The following CELSR1 variants were observed in gnomAD, a reference collection of about 807,000 sequenced individuals.
CELSR1 encodes the protein adhesion G protein-coupled receptor C1.
Under a neutral mutation model 249.1 loss-of-function variants are expected in CELSR1, and 110 were observed. That is an observed-to-expected ratio of 0.44 (90% CI 0.38 to 0.52). CELSR1 has a LOEUF of 0.52. Ranked by LOEUF, CELSR1 falls within the 20% of genes least tolerant of loss-of-function variation. The probability of loss-of-function intolerance (pLI) is 0.00; values close to 1 mark genes in which losing one functional copy is unlikely to be tolerated. For synonymous variants in CELSR1, 2,113 were observed against 1,900.0 expected, an observed-to-expected ratio of 1.11 and a Z score of -2.92; for missense variants, 4,109 against 4,296.4, an observed-to-expected ratio of 0.96 and a Z score of 1.22.
rs1026747957 is a variant in CELSR1, at chr22:46,398,471, G to A, written c.5526+53C>T. ...AACCACCTATGGTGCTGCCAGCCTCGGAGCTGCCTGTGAGGGGCAGGCCTC... is the reference window on the plus strand; with the variant it reads ...AACCACCTATGGTGCTGCCAGCCTCAGAGCTGCCTGTGAGGGGCAGGCCTC... On this transcript the variant is annotated intron_variant, in intron 11 of 34. Transcript: ENST00000674500. This position sits in a 1 kb window ranked among gnomAD's most constrained non-coding sequence, Gnocchi z 7.2. The A allele has an allele frequency of 1.6e-5, 22 of 1,338,168 alleles. No individual in the cohort carries two copies. The highest frequency in any genetic ancestry group is 2.1e-5 in the Admixed American group (1 of 47,296). 82.9% of individuals were successfully genotyped at this position (1,338,168 alleles called of 1,614,324 possible).
intron 2 of CELSR1, 108 bp downstream of exon 2, chr22:46,463,599 C>T (rs371596998): frequency 7.9e-7 from 1 of 1,258,014 alleles, no homozygotes. Flanking sequence ...AGCGCCCATC[C>T]TCCAGCTGTT....
intron 33 of CELSR1, 72 bp downstream of exon 33, chr22:46,364,440 C>T: frequency 6.5e-7 from 1 of 1,537,410 alleles, no homozygotes; most frequent in Non-Finnish European, 8.8e-7. Flanking sequence ...AGCCCCACTC[C>T]CACCTCCAGA....
intron 2 of CELSR1, among the ~76,000 whole-genome samples, chr22:46,451,789 A>C (rs1003417502): frequency 2.0e-5 from 3 of 152,250 alleles, no homozygotes; most frequent in Admixed American, 6.5e-5. Context: ...TACCTTATAT[A>C]GCAAAAGAAG....
In CELSR1 at chr22:46,475,842, C is replaced by G. The variant is rs186320410; in HGVS notation, c.3545-11497G>C. 3.6e-3 allele frequency among the ~76,000 whole-genome samples: 548 copies of G among 152,242 alleles called. 14 individuals are homozygous for G. The highest frequency in any genetic ancestry group is 0.035 in the Admixed American group (528 of 15,276). The stretch of plus-strand genomic sequence containing the variant: ...CATATCCTAAGGCAGAAGTTAGAAT[C>G]TAATTCAGGATTTAATACTATTAAG... On this transcript the variant is annotated intron_variant, in intron 1 of 34. Coordinates refer to ENST00000674500, the MANE Select transcript of CELSR1 (RefSeq NM_001378328.1).
rs563621836 is a variant in CELSR1 at position 46,381,015 on chromosome 22, C to T, written c.7089-60G>A. ...CGGTGAGGAAACATCTGCTTAAATC[C>T]CGCGCACAAATGCCCTGAGGACACG... On this transcript the variant is annotated intron_variant, in intron 21 of 34. Transcript: ENST00000674500. This position sits in a 1 kb window ranked among gnomAD's most constrained non-coding sequence, Gnocchi z 6.0. 2.8e-4 allele frequency: 443 copies of T among 1,557,140 alleles called. 2 individuals carry two copies. In the African/African-American group the frequency reaches 5.7e-3, roughly 20 times the overall value.
rs2080642971 is a variant in CELSR1 at position 46,517,739 on chromosome 22, T to A, written c.3544+15888A>T. On this transcript the variant is annotated intron_variant, in intron 1 of 34. Transcript: ENST00000674500. This position sits in a 1 kb window ranked among gnomAD's most constrained non-coding sequence, Gnocchi z 5.4. ...GAACTTGCGATTATGTGTTAGAATT[T>A]TCCATGCTTAGAAGCGAGGGCTGCA... is the stretch of plus-strand genomic sequence containing the variant. 6.6e-6 allele frequency among the ~76,000 whole-genome samples: 1 copy of A among 152,192 alleles called. No homozygotes were observed. Among genetic ancestry groups the A allele is most frequent in the East Asian group, 1.9e-4 (1 of 5,190 alleles).
intron 23 of CELSR1, 22 bp from the exon 24 acceptor site, chr22:46,377,283 G>T: frequency 6.2e-7 from 1 of 1,612,092 alleles, no homozygotes; most frequent in Non-Finnish European, 8.5e-7. Flanking sequence ...AGGGTTAAAG[G>T]CAGGAGAGAA....
intron 5 of CELSR1, among the ~76,000 whole-genome samples, chr22:46,416,379 C>CG (rs1000683863): frequency 6.6e-6 from 1 of 152,070 alleles, no homozygotes; most frequent in African/African-American, 2.4e-5. Context: ...CCCAGAGGAC[C>CG]CCCCCCAACC....
chr22:46,427,926 C>T lies in CELSR1; in HGVS notation c.4611+5467G>A, dbSNP rs1249205170. Among the ~76,000 whole-genome samples the T allele has an allele frequency of 6.6e-6, 1 of 152,158 alleles. No homozygotes were observed. Among genetic ancestry groups the T allele is most frequent in the African/African-American group, 2.4e-5 (1 of 41,436 alleles). ...CGAGTTTTTAGAACATGTGCAGAAA[C>T]GGAGAAGCTCCCCCGACCCCAGGGG... On this transcript the variant is annotated intron_variant, in intron 5 of 34. Coordinates refer to ENST00000674500, the MANE Select transcript of CELSR1 (RefSeq NM_001378328.1). The surrounding 1 kb of genome is among the most constrained non-coding windows in gnomAD (Gnocchi z 4.2).
At chr22:46,532,242 T>C (rs1602248974) in intron 1 of CELSR1, among the ~76,000 whole-genome samples, 2 of 152,232 alleles carry the variant, frequency 1.3e-5, no homozygotes, top group African/African-American at 4.8e-5. Context: ...TTGTGCTTTA[T>C]CTATAAGATA....
rs568264179 is a variant in CELSR1 at position 46,496,759 on chromosome 22, G to A, written c.3545-32414C>T. On this transcript the variant is annotated intron_variant, in intron 1 of 34. Transcript: ENST00000674500. ...TTGTCCCATCGGGAAGTCTTCAGAGGCAGCAGCACACAGGGAGCTGTCACC... is the reference window on the plus strand; with the variant it reads ...TTGTCCCATCGGGAAGTCTTCAGAGACAGCAGCACACAGGGAGCTGTCACC... Among the ~76,000 whole-genome samples, 132 of 152,112 alleles carry A rather than the reference G, an allele frequency of 8.7e-4. 1 individual carries two copies. Among genetic ancestry groups the A allele is most frequent in the African/African-American group, 3.1e-3 (130 of 41,482 alleles).
rs143283686 is a variant in CELSR1 at position 46,394,262 on chromosome 22, T to C, written c.5844A>G (p.Lys1948=). ...AGCCTCTGGGGCACGGAAGGTCGAG[T>C]CTGTGGGGAAAATAAGAGGGCAGCT... is the stretch of plus-strand genomic sequence containing the variant. The part of the protein sequence containing the change: ...PSHYGPYCEN[K]LDLPCPRGWW... Residue 1948 remains lysine (K), a splice_region_variant and synonymous_variant, in exon 14 of 35, where the codon AAA becomes AAG. Transcript: ENST00000674500. 3.2e-4 allele frequency: 512 copies of C among 1,611,940 alleles called. 2 individuals carry two copies. The African/African-American group carries it at 4.5e-3, about 14-fold the overall frequency.
intron 1 of CELSR1, among the ~76,000 whole-genome samples, chr22:46,530,949 G>T (rs369812671): frequency 1.3e-5 from 2 of 152,348 alleles, no homozygotes; most frequent in Non-Finnish European, 1.5e-5. Context: ...GGGCATGGCT[G>T]TAAATCCTGG....
rs954924178 is a variant in CELSR1, at chr22:46,472,024, C to G, written c.3545-7679G>C. Among the ~76,000 whole-genome samples, 5 of 152,194 alleles carry G rather than the reference C, an allele frequency of 3.3e-5. No homozygotes were observed. The highest frequency in any genetic ancestry group is 5.9e-5 in the Non-Finnish European group (4 of 68,028). ...GGAGGCACGGCACCCACCCAGCACT[C>G]TCTCTGCCCGTGCTCCAGGCATTCC... On this transcript the variant is annotated intron_variant, in intron 1 of 34. Coordinates refer to ENST00000674500, the MANE Select transcript of CELSR1 (RefSeq NM_001378328.1). This position sits in a 1 kb window ranked among gnomAD's most constrained non-coding sequence, Gnocchi z 7.0.
At chr22:46,365,556 C>G in intron 31 of CELSR1, 30 bp downstream of exon 31, 1 of 1,562,612 alleles carries the variant, frequency 6.4e-7, no homozygotes, top group Non-Finnish European at 8.7e-7. Context: ...AAACAACCCA[C>G]GGGGTCCTCC....
At chr22:46,366,619 C>A in intron 29 of CELSR1, 139 bp from the exon 30 acceptor site, 1 of 725,572 alleles carries the variant, frequency 1.4e-6, no homozygotes. Flanking sequence ...GAGGAGCTGG[C>A]CCCAAGCAGT....
chr22:46,504,725 C>T (rs1239907408), intron 1 of CELSR1, among the ~76,000 whole-genome samples: 2 of 152,118 alleles, frequency 1.3e-5, no homozygotes, highest in Admixed American at 6.6e-5. Context: ...CAAATATTCC[C>T]GAGGCCATTT....
In CELSR1 at chr22:46,364,519, C is replaced by G. The variant is rs200116798; in HGVS notation, c.8772G>C (p.Gln2924His). 5.6e-5 allele frequency: 90 copies of G among 1,609,816 alleles called. No individual in the cohort carries two copies. In the East Asian group the frequency reaches 2.0e-3, roughly 35 times the overall value. ...ARLASSQPPE[Q>H]RKGILKNKVT... is the part of the protein sequence containing the mutation. ...CCCGGCCTCCCCAGGCACCTTTCCTCTGCTCTGGGGGCTGGCTGCTAGCAA... is the reference window on the plus strand; with the variant it reads ...CCCGGCCTCCCCAGGCACCTTTCCTGTGCTCTGGGGGCTGGCTGCTAGCAA... Residue 2924 changes from glutamine (Q) to histidine (H), a missense_variant, in exon 33 of 35, where the codon CAG becomes CAC. Gln to His is a conservative substitution (Grantham distance 24, BLOSUM62 0). Around this residue, in one of 7 missense-constraint regions of CELSR1, gnomAD observed 1,805 missense variants for 1,831.6 expected, o/e 0.99. Transcript: ENST00000674500.
In CELSR1 at chr22:46,397,666, G is replaced by T. The variant is rs767151584; in HGVS notation, c.5701+8C>A. 6.8e-7 allele frequency: 1 copy of T among 1,480,280 alleles called. No homozygotes were observed. The allele number at this position is 1,480,280 out of a possible 1,614,324, so 91.7% of individuals were successfully genotyped here. On this transcript the variant is annotated splice_region_variant and intron_variant, in intron 12 of 34. Coordinates refer to ENST00000674500, the MANE Select transcript of CELSR1 (RefSeq NM_001378328.1). ...TGTCACTGAAGGGCCCCGGGAGGGCGGTCCCACCTTTGTCACAGACGCAGC... is the reference window on the plus strand; with the variant it reads ...TGTCACTGAAGGGCCCCGGGAGGGCTGTCCCACCTTTGTCACAGACGCAGC...
Sources: gnomAD v4.1 joint callset for allele counts (sites outside exome capture counted in the v4.1 genomes callset) on GRCh38, gnomAD v4.1.1 for gene constraint, gnomAD v4.1.1 regional missense constraint, Gnocchi (gnomAD v3.1) non-coding constraint, MANE v1.5 for transcripts, NCBI Gene and HGNC (gene_info 2026-07-23, HGNC 2026-07-21) for gene names.